The following ATG7 variants were observed in gnomAD, a reference collection of about 807,000 sequenced individuals.
ATG7 encodes the protein ubiquitin-like modifier-activating enzyme ATG7.
A neutral mutation model predicts 82.4 loss-of-function variants in ATG7; 70 were observed. The observed-to-expected ratio is 0.85, with a 90% CI of 0.70 to 1.04. ATG7 has a LOEUF of 1.04. Ranked by LOEUF, ATG7 falls within the 50% of genes least tolerant of loss-of-function variation. The pLI is 0.00. For synonymous variants in ATG7, 287 were observed against 313.0 expected (o/e 0.92, Z 0.88); for missense variants, 792 against 864.3 (o/e 0.92, Z 1.05).
At chr3:11,273,757 C>G (rs1941043758) in intron 1 of ATG7, among the ~76,000 whole-genome samples, 1 of 152,052 alleles carries the variant, frequency 6.6e-6, no homozygotes, top group South Asian at 2.1e-4. Context: ...TTTCATGGCA[C>G]CTTCTAATAA....
intron 20 of ATG7, among the ~76,000 whole-genome samples, chr3:11,438,632 A>G (rs1484545499): frequency 6.6e-6 from 1 of 152,140 alleles, no homozygotes; most frequent in Non-Finnish European, 1.5e-5. Context: ...CTCAGAATGG[A>G]ATGGCATACT....
At chr3:11,275,636 G>A (rs1402992869) in intron 1 of ATG7, among the ~76,000 whole-genome samples, 1 of 151,624 alleles carries the variant, frequency 6.6e-6, no homozygotes, top group Non-Finnish European at 1.5e-5. Context: ...GAGATTACAG[G>A]CGTGAGCCAC....
intron 20 of ATG7, among the ~76,000 whole-genome samples, chr3:11,431,291 C>T (rs1329190039): frequency 2.6e-5 from 4 of 152,228 alleles, no homozygotes; most frequent in Non-Finnish European, 4.4e-5. Context: ...ATCCCAGCTA[C>T]TCGGGAGGCT....
At chr3:11,408,627 G>A (rs557246226) in intron 19 of ATG7, among the ~76,000 whole-genome samples, 42 of 152,318 alleles carry the variant, frequency 2.8e-4, no homozygotes, top group Non-Finnish European at 5.1e-4. Context: ...CCTGGTGGAA[G>A]GTAAGGAGGA....
chr3:11,391,883 C>T (rs971979822), intron 19 of ATG7, among the ~76,000 whole-genome samples: 6 of 148,150 alleles, frequency 4.0e-5, no homozygotes, highest in African/African-American at 1.2e-4. Context: ...TTCTTGTTCA[C>T]TTTTCTACCA....
chr3:11,286,430 A>G (rs1466185784), intron 3 of ATG7, among the ~76,000 whole-genome samples: 1 of 151,626 alleles, frequency 6.6e-6, no homozygotes, highest in Non-Finnish European at 1.5e-5. Context: ...CTTACTCCAT[A>G]TTCTGTGGTA....
chr3:11,399,896 G>A (rs1024652515), intron 19 of ATG7, among the ~76,000 whole-genome samples: 1 of 152,118 alleles, frequency 6.6e-6, no homozygotes, highest in Non-Finnish European at 1.5e-5. Context: ...TAGGGACTTC[G>A]GATGTAATGT....
chr3:11,406,664 G>A (rs533111402), intron 19 of ATG7, among the ~76,000 whole-genome samples: 1 of 152,290 alleles, frequency 6.6e-6, no homozygotes, highest in South Asian at 2.1e-4. Flanking sequence ...CACATGGCTG[G>A]GGAGGCCTCA....
chr3:11,308,581 GTCTC>G (rs1176816025), intron 6 of ATG7: 3 of 174,114 alleles, frequency 1.7e-5, no homozygotes, highest in Non-Finnish European at 3.7e-5. Flanking sequence ...ATTTACGCCA[GTCTC>G]TCTATCTAGA....
At chr3:11,392,572 A>G (rs1576009544) in intron 19 of ATG7, among the ~76,000 whole-genome samples, 1 of 152,134 alleles carries the variant, frequency 6.6e-6, no homozygotes, top group African/African-American at 2.4e-5. Context: ...ACCCAGGCCC[A>G]GCAAAACCCA....
Position 11,364,521 on chromosome 3 carries a change from A to G in ATG7, c.1800-138A>G. The G allele has an allele frequency of 1.2e-5, 10 of 836,060 alleles. No individual in the cohort carries two copies. The East Asian group carries it at 2.6e-4, about 21-fold the overall frequency. The allele number at this position is 836,060 out of a possible 1,614,324, so 51.8% of individuals were successfully genotyped here. A position where few individuals can be genotyped will look rare whatever the true frequency, so the allele number is the denominator to read the frequency against. On this transcript the variant is annotated intron_variant, in intron 17 of 20. Coordinates refer to ENST00000693202, the MANE Select transcript of ATG7 (RefSeq NM_001349232.2). ...TCTTGCCCTTTGTCCCAGGGAAATT[A>G]GTTTTTTGCTAACTTACACTGCCCA...
chr3:11,478,819 A>G (rs1445564132), intron 20 of ATG7, among the ~76,000 whole-genome samples: 2 of 152,076 alleles, frequency 1.3e-5, no homozygotes, highest in African/African-American at 4.8e-5. Context: ...CCAAACTTGA[A>G]TTAAAGTTAT....
intron 19 of ATG7, among the ~76,000 whole-genome samples, chr3:11,423,485 G>T (rs1365808561): frequency 1.3e-5 from 2 of 151,796 alleles, no homozygotes; most frequent in Non-Finnish European, 2.9e-5. Flanking sequence ...TTTTTCTTTT[G>T]TAATCACTAA....
At chr3:11,304,247 T>C (rs1460602803) in intron 5 of ATG7, among the ~76,000 whole-genome samples, 1 of 152,220 alleles carries the variant, frequency 6.6e-6, no homozygotes, top group Non-Finnish European at 1.5e-5. Context: ...GTCTTTCTTA[T>C]TCTCTGCTGT....
At chr3:11,287,793 C>T (rs1008784526) in intron 3 of ATG7, among the ~76,000 whole-genome samples, 1 of 152,256 alleles carries the variant, frequency 6.6e-6, no homozygotes, top group African/African-American at 2.4e-5. Context: ...CCTTCGCCCT[C>T]AGCGCCCTCA....
chr3:11,398,725 G>C (rs1290889059), intron 19 of ATG7, among the ~76,000 whole-genome samples: 4 of 152,168 alleles, frequency 2.6e-5, no homozygotes, highest in African/African-American at 4.8e-5. Context: ...TATGGCACAT[G>C]CCTGTAGTCC....
Position 11,450,283 on chromosome 3 carries a change from C to CT in ATG7, c.2079+23360dup, listed in dbSNP as rs1321526272. Among the ~76,000 whole-genome samples, 6 of 152,280 alleles carry CT rather than the reference C, an allele frequency of 3.9e-5. No individual in the cohort carries two copies. In the South Asian group the frequency reaches 1.0e-3, roughly 26 times the overall value. ...GTTCTTAACTACTACTTTGTAGTGT[C>CT]TTTCTTACATATTAGTTGGGCCTGT... On this transcript the variant is annotated intron_variant, in intron 20 of 20. Coordinates refer to ENST00000693202, the MANE Select transcript of ATG7 (RefSeq NM_001349232.2).
At chr3:11,324,320 A>G (rs1193401095) in intron 9 of ATG7, among the ~76,000 whole-genome samples, 1 of 152,218 alleles carries the variant, frequency 6.6e-6, no homozygotes, top group Admixed American at 6.5e-5. Flanking sequence ...GTGCCAACTA[A>G]TCATTCCTCC....
In ATG7 at chr3:11,370,542, G is replaced by A. The variant is rs1047646493; in HGVS notation, c.1875+5808G>A. On this transcript the variant is annotated intron_variant, in intron 18 of 20. Transcript: ENST00000693202. ...GCGAACTCCAAGCTTTAGAAATATT[G>A]CCAGGCCTGCTGGAAGCTAGTGTGA... is the stretch of plus-strand genomic sequence containing the variant. Among the ~76,000 whole-genome samples the A allele has an allele frequency of 5.3e-5, 8 of 151,154 alleles. 1 individual carries two copies. Among genetic ancestry groups the A allele is most frequent in the Non-Finnish European group, 1.2e-4 (8 of 67,812 alleles).
Sources: gnomAD v4.1 joint callset for allele counts (sites outside exome capture counted in the v4.1 genomes callset) on GRCh38, gnomAD v4.1.1 for gene constraint, MANE v1.5 for transcripts, NCBI Gene and HGNC (gene_info 2026-07-23, HGNC 2026-07-21) for gene names.